Variants in TTC3 observed in about 807,000 individuals in gnomAD.
The protein encoded by TTC3 is E3 ubiquitin-protein ligase TTC3.
A neutral mutation model predicts 249.6 loss-of-function variants in TTC3; 180 were observed. The observed-to-expected ratio is 0.72, with a 90% confidence interval of 0.64 to 0.82. TTC3 has a LOEUF of 0.82. Ranked by LOEUF, TTC3 falls within the 40% of genes least tolerant of loss-of-function variation. TTC3 has a pLI of 0.00. For synonymous variants in TTC3, 717 were observed against 805.0 expected, an observed-to-expected ratio of 0.89 and a Z score of 1.85; for missense variants, 2,061 against 2,398.4, an observed-to-expected ratio of 0.86 and a Z score of 2.94.
chr21:37,087,830 T>C lies in TTC3; in HGVS notation c.145-3T>C. The C allele has an allele frequency of 6.3e-7, 1 of 1,589,050 alleles. No individual in the cohort carries two copies. Reference sequence around the variant, plus strand: ...CAAATCAAAATAATTTTCTTCTTTTTAGGGTGTGCAATATAAAGATTATAT... The same window carrying C: ...CAAATCAAAATAATTTTCTTCTTTTCAGGGTGTGCAATATAAAGATTATAT... On this transcript the variant is annotated splice_region_variant and splice_polypyrimidine_tract_variant and intron_variant, in intron 2 of 45. Coordinates refer to ENST00000355666, the Ensembl canonical transcript of TTC3.
intron 30 of TTC3, 109 bp downstream of exon 30, chr21:37,160,967 G>T (rs1249402557): frequency 8.9e-7 from 1 of 1,122,334 alleles, no homozygotes; most frequent in East Asian, 2.8e-5. Flanking sequence ...CATTTGTAGA[G>T]AAAGACTTTC....
intron 1 of TTC3, among the ~76,000 whole-genome samples, chr21:37,074,047 G>A (rs764392609): frequency 3.1e-4 from 47 of 152,362 alleles, no homozygotes; most frequent in Non-Finnish European, 4.7e-4. Context: ...TCGTTGGTGA[G>A]CGTGAACGTT....
intron 16 of TTC3, among the ~76,000 whole-genome samples, chr21:37,132,057 C>T (rs2147920720): frequency 6.6e-6 from 1 of 152,236 alleles, no homozygotes; most frequent in East Asian, 1.9e-4. Context: ...TAATTTTTCT[C>T]TTTTTTCAAA....
intron 11 of TTC3, chr21:37,121,419 C>G (rs1021413288): frequency 6.4e-6 from 1 of 156,680 alleles, no homozygotes; most frequent in Non-Finnish European, 1.4e-5. Flanking sequence ...GTAGGAAAGG[C>G]GATGACTTAG....
In TTC3 at chr21:37,144,089, G is replaced by C. The variant is rs554868335; in HGVS notation, c.1773-436G>C. ...AGGGGAACATCACACACTGGGGCCT[G>C]TTGTGAGGTGGGGGGAGGGGAGAGG... On this transcript the variant is annotated intron_variant, in intron 20 of 45. Coordinates refer to ENST00000355666, the Ensembl canonical transcript of TTC3. Among the ~76,000 whole-genome samples the C allele has an allele frequency of 5.3e-5, 8 of 151,822 alleles. No homozygotes were observed. In the South Asian group the frequency reaches 1.7e-3, roughly 32 times the overall value.
At chr21:37,074,493 G>A (rs1310482964) in intron 1 of TTC3, among the ~76,000 whole-genome samples, 1 of 152,154 alleles carries the variant, frequency 6.6e-6, no homozygotes, top group African/African-American at 2.4e-5. Context: ...GTCCTTAGGC[G>A]TTCTTGATGA....
At chr21:37,123,302 G>A (rs534987687) in intron 13 of TTC3, among the ~76,000 whole-genome samples, 4 of 152,304 alleles carry the variant, frequency 2.6e-5, no homozygotes, top group Admixed American at 1.3e-4. Context: ...ACATTACTAT[G>A]CTTGGATGGG....
chr21:37,116,533 G>C (rs1161656597), intron 11 of TTC3, among the ~76,000 whole-genome samples: 1 of 151,994 alleles, frequency 6.6e-6, no homozygotes, highest in Non-Finnish European at 1.5e-5. Context: ...TAGATGCCAG[G>C]CATGATGGCT....
rs768691238 is a variant in TTC3 at position 37,151,877 on chromosome 21, T to G, written c.2277-16T>G. ...AACAGTTCATTGAGTTGTCACTAAT[T>G]GTAAATGTTTATCAGCCTAGAGAAA... On this transcript the variant is annotated splice_polypyrimidine_tract_variant and intron_variant, in intron 25 of 45. Transcript: ENST00000355666. 18 of 1,559,814 alleles carry G rather than the reference T, an allele frequency of 1.2e-5. No homozygotes were observed. The highest frequency in any genetic ancestry group is 1.3e-5 in the Non-Finnish European group (15 of 1,161,674).
chr21:37,077,921 C>T (rs1399455348), intron 1 of TTC3, among the ~76,000 whole-genome samples: 3 of 152,160 alleles, frequency 2.0e-5, no homozygotes, highest in African/African-American at 4.8e-5. Flanking sequence ...CTTTCTTGCC[C>T]TGGGCTTATA....
chr21:37,087,841 A>C (rs146618357), exon 3 of TTC3: 233 of 1,594,284 alleles, frequency 1.5e-4, no homozygotes, highest in Non-Finnish European at 1.9e-4. Context: ...AGGGTGTGCA[A>C]TATAAAGATT....
intron 11 of TTC3, among the ~76,000 whole-genome samples, chr21:37,114,464 A>C (rs2075952960): frequency 6.6e-6 from 1 of 152,240 alleles, no homozygotes; most frequent in African/African-American, 2.4e-5. Context: ...GAGAAATGCA[A>C]ATCAAAACCA....
chr21:37,140,933 C>G (rs1169749144), intron 20 of TTC3, among the ~76,000 whole-genome samples: 1 of 152,120 alleles, frequency 6.6e-6, no homozygotes, highest in Admixed American at 6.5e-5. Flanking sequence ...ATTTAATAGT[C>G]TAGTGTATAA....
chr21:37,166,800 A>C (rs1026964280), intron 33 of TTC3, among the ~76,000 whole-genome samples, 185 bp downstream of exon 33: 1 of 152,252 alleles, frequency 6.6e-6, no homozygotes, highest in Non-Finnish European at 1.5e-5. Flanking sequence ...ATCTTCTCAG[A>C]AAGAAGCTTG....
exon 46 of TTC3, chr21:37,201,488 G>T (rs370216719): frequency 6.2e-7 from 1 of 1,613,906 alleles, no homozygotes; most frequent in Non-Finnish European, 8.5e-7. Context: ...GGCCTGCCAG[G>T]GTCGTGATCT....
chr21:37,154,539 A>T (rs2079807544), intron 27 of TTC3, among the ~76,000 whole-genome samples: 1 of 152,148 alleles, frequency 6.6e-6, no homozygotes, highest in African/African-American at 2.4e-5. Flanking sequence ...GCTTTAGGAG[A>T]TACTCAGGAC....
chr21:37,101,226 C>T (rs547871127), intron 10 of TTC3: 1 of 152,336 alleles, frequency 6.6e-6, no homozygotes, highest in South Asian at 2.1e-4. Context: ...CAGATCCCAA[C>T]TGTGATTGGT....
chr21:37,101,131 A>G (rs540394530), intron 10 of TTC3: 3 of 152,194 alleles, frequency 2.0e-5, no homozygotes, highest in South Asian at 2.1e-4. Context: ...TGCTTTGGAA[A>G]CTCATGTATT....
intron 2 of TTC3, 121 bp downstream of exon 2, chr21:37,087,522 G>A: frequency 8.2e-7 from 1 of 1,220,774 alleles, no homozygotes; most frequent in Non-Finnish European, 1.2e-6. Context: ...TACACATGCT[G>A]TTGAAAAGTT....
Sources: allele counts gnomAD v4.1 joint callset (sites outside exome capture counted in the v4.1 genomes callset), GRCh38; gene constraint gnomAD v4.1.1; transcripts MANE v1.5; gene names NCBI Gene and HGNC (gene_info 2026-07-23, HGNC 2026-07-21).